Variants in ME3 observed in about 807,000 individuals in gnomAD.
ME3 encodes the protein NADP-dependent malic enzyme, mitochondrial.
ME3 carries 48 observed loss-of-function variants against 68.9 expected under a neutral mutation model. The observed-to-expected ratio is 0.70, with a 90% CI of 0.55 to 0.89. The LOEUF (loss-of-function observed/expected upper bound fraction) is 0.89. Among genes scored for constraint, ME3 ranks in the 40% least tolerant of loss-of-function variants. The pLI is 0.00. For synonymous variants in ME3, 320 were observed against 318.8 expected (o/e 1.00, Z -0.04); for missense variants, 675 against 797.4 (o/e 0.85, Z 1.85).
At chr11:86,481,275 A>G (rs894505712) in intron 7 of ME3, among the ~76,000 whole-genome samples, 24 of 138,078 alleles carry the variant, frequency 1.7e-4, no homozygotes, top group African/African-American at 6.4e-4. Context: ...CTGGTCTTGA[A>G]CTCCTGGCCT....
intron 2 of ME3, among the ~76,000 whole-genome samples, chr11:86,662,267 G>C (rs148899897): frequency 2.6e-5 from 4 of 152,186 alleles, no homozygotes; most frequent in Non-Finnish European, 5.9e-5. Flanking sequence ...CTGCCACTAT[G>C]AGTTGTATGA....
chr11:86,453,474 C>G (rs1949751066), intron 8 of ME3, among the ~76,000 whole-genome samples: 1 of 152,090 alleles, frequency 6.6e-6, no homozygotes. Flanking sequence ...TGGGCTCTGC[C>G]AATAGTAGGT....
At chr11:86,641,045 G>C (rs924947496) in intron 2 of ME3, among the ~76,000 whole-genome samples, 6 of 146,972 alleles carry the variant, frequency 4.1e-5, no homozygotes, top group East Asian at 2.1e-4. Context: ...CTGGGGGGGG[G>C]GGTCAATGAA....
At chr11:86,607,719 A>G (rs867261142) in intron 2 of ME3, among the ~76,000 whole-genome samples, 67 of 149,812 alleles carry the variant, frequency 4.5e-4, no homozygotes, top group African/African-American at 1.5e-3. Context: ...AGAAATATAT[A>G]TATATATATA....
chr11:86,655,132 T>C (rs1435022417), intron 2 of ME3, among the ~76,000 whole-genome samples: 1 of 152,250 alleles, frequency 6.6e-6, no homozygotes, highest in Non-Finnish European at 1.5e-5. Flanking sequence ...TCTATGCTCA[T>C]GGGCAGGAAG....
chr11:86,646,041 T>C (rs1326355682), intron 2 of ME3, among the ~76,000 whole-genome samples: 1 of 152,032 alleles, frequency 6.6e-6, no homozygotes, highest in Non-Finnish European at 1.5e-5. Flanking sequence ...AAAAACCCCA[T>C]CTGAAGGTCA....
chr11:86,598,240 G>C (rs900954255), intron 2 of ME3, among the ~76,000 whole-genome samples: 2 of 152,182 alleles, frequency 1.3e-5, no homozygotes, highest in Admixed American at 1.3e-4. Context: ...CGGGCCATTC[G>C]CACCCGAATA....
chr11:86,554,675 T>A (rs191331640), intron 4 of ME3, among the ~76,000 whole-genome samples: 3 of 152,288 alleles, frequency 2.0e-5, no homozygotes, highest in Admixed American at 2.0e-4. Context: ...ATGTGGAAAT[T>A]AAGGCAGAGA....
At chr11:86,583,247 T>C (rs1041442886) in intron 2 of ME3, among the ~76,000 whole-genome samples, 2 of 152,196 alleles carry the variant, frequency 1.3e-5, no homozygotes, top group African/African-American at 4.8e-5. Flanking sequence ...GAAAGAAAGA[T>C]GATGAAGCCT....
intron 4 of ME3, among the ~76,000 whole-genome samples, chr11:86,524,510 C>A (rs537773341): frequency 1.2e-4 from 18 of 152,248 alleles, no homozygotes; most frequent in Admixed American, 2.6e-4. Flanking sequence ...TCCCCTAAAC[C>A]AAGAAAAAGC....
chr11:86,470,368 A>G (rs938481957), intron 7 of ME3, among the ~76,000 whole-genome samples: 4 of 152,178 alleles, frequency 2.6e-5, no homozygotes, highest in Non-Finnish European at 4.4e-5. Flanking sequence ...GTTGTCACCC[A>G]ATGGAAAACT....
chr11:86,663,820 G>A (rs1431194377), intron 2 of ME3, among the ~76,000 whole-genome samples: 1 of 152,212 alleles, frequency 6.6e-6, no homozygotes, highest in Non-Finnish European at 1.5e-5. Context: ...AGATGAGCCT[G>A]AAAAAGTGTC....
intron 2 of ME3, 103 bp from the exon 3 acceptor site, chr11:86,559,926 A>G (rs752465543): frequency 3.1e-6 from 4 of 1,280,558 alleles, no homozygotes; most frequent in Non-Finnish European, 4.2e-6. Context: ...AGTGTGACTC[A>G]GTAGAAAGGG....
intron 8 of ME3, among the ~76,000 whole-genome samples, chr11:86,463,102 C>T (rs1950305566): frequency 6.6e-6 from 1 of 152,140 alleles, no homozygotes; most frequent in Non-Finnish European, 1.5e-5. Context: ...ATCTCAGAGG[C>T]ACATTATCGC....
intron 4 of ME3, among the ~76,000 whole-genome samples, chr11:86,534,838 G>A (rs898949856): frequency 6.6e-6 from 1 of 152,124 alleles, no homozygotes; most frequent in African/African-American, 2.4e-5. Flanking sequence ...TGTTTTCCCA[G>A]GGTAATGTTT....
chr11:86,670,297 T>G lies in ME3; in HGVS notation c.183+1465A>C, dbSNP rs376120868. 4.6e-5 allele frequency among the ~76,000 whole-genome samples: 7 copies of G among 152,306 alleles called. No individual in the cohort carries two copies. In the East Asian group the frequency reaches 1.3e-3, roughly 29 times the overall value. On this transcript the variant is annotated intron_variant, in intron 2 of 14. Transcript: ENST00000543262. ...ATGGAGGACTGTGGCAATAACGAAG[T>G]GAGAGACTTCACTGAATAGAGCTTG...
intron 2 of ME3, among the ~76,000 whole-genome samples, chr11:86,596,599 T>G (rs1254644748): frequency 6.6e-6 from 1 of 152,184 alleles, no homozygotes; most frequent in East Asian, 1.9e-4. Flanking sequence ...CTTGAGACTT[T>G]AAGAAGGCTT....
intron 4 of ME3, among the ~76,000 whole-genome samples, chr11:86,517,827 C>A (rs1035406212): frequency 6.6e-6 from 1 of 152,138 alleles, no homozygotes; most frequent in African/African-American, 2.4e-5. Flanking sequence ...ATGGCAGGTA[C>A]TCTATAAGTG....
intron 8 of ME3, chr11:86,457,786 T>C: frequency 7.9e-7 from 1 of 1,260,626 alleles, no homozygotes; most frequent in South Asian, 1.3e-5. Context: ...AAAAAGAAGT[T>C]TTTTTTTCCA....
Sources: gnomAD v4.1 joint callset for allele counts (sites outside exome capture counted in the v4.1 genomes callset) on GRCh38, gnomAD v4.1.1 for gene constraint, MANE v1.5 for transcripts, NCBI Gene and HGNC (gene_info 2026-07-23, HGNC 2026-07-21) for gene names.